FOXP1: variants seen among roughly 807,000 people sequenced by gnomAD.
FOXP1 encodes forkhead box protein P1.
A neutral mutation model predicts 98.2 loss-of-function variants in FOXP1; 15 were observed. That is an observed-to-expected ratio of 0.15 (90% CI 0.10 to 0.24). FOXP1 has a LOEUF of 0.24. Among genes scored for constraint, FOXP1 ranks in the 10% least tolerant of loss-of-function variants. FOXP1 has a pLI of 1.00. For missense variants in FOXP1, 633 were observed against 848.5 expected, an observed-to-expected ratio of 0.75 and a Z score of 3.15; for synonymous variants, 371 against 314.5, an observed-to-expected ratio of 1.18 and a Z score of -1.90.
intron 6 of FOXP1, among the ~76,000 whole-genome samples, chr3:71,121,192 C>T (rs188423938): frequency 6.6e-6 from 1 of 151,946 alleles, no homozygotes; most frequent in Admixed American, 6.5e-5. Flanking sequence ...GAGAGAGATG[C>T]CGAAGGCTCT....
intron 6 of FOXP1, among the ~76,000 whole-genome samples, chr3:71,121,469 G>C (rs1003893195): frequency 2.1e-5 from 3 of 143,302 alleles, no homozygotes; most frequent in African/African-American, 7.6e-5. Context: ...TTAAGTCTTT[G>C]GGAAGAGCTA....
At chr3:71,428,379 G>A (rs1207001739) in intron 3 of FOXP1, among the ~76,000 whole-genome samples, 2 of 152,244 alleles carry the variant, frequency 1.3e-5, no homozygotes, top group Admixed American at 6.5e-5. Flanking sequence ...GTTTCCTGCT[G>A]TAACCAAATT....
intron 3 of FOXP1, among the ~76,000 whole-genome samples, chr3:71,442,106 A>T (rs1425430550): frequency 2.6e-5 from 4 of 152,194 alleles, no homozygotes; most frequent in Non-Finnish European, 5.9e-5. Context: ...TAGGGAACTC[A>T]TATTCATGCC....
intron 3 of FOXP1, among the ~76,000 whole-genome samples, chr3:71,374,247 T>C (rs1381045919): frequency 1.3e-5 from 2 of 152,226 alleles, no homozygotes; most frequent in Non-Finnish European, 2.9e-5. Context: ...ACATCTACTA[T>C]TAAGATAAGA....
rs1389203548 is a variant in FOXP1 at position 71,065,890 on chromosome 3, T to G, written c.283-12117A>C. ...ACTTTGTTGGCTCAACTGACACGAC[T>G]TAAGCGTCAGGTTAATCTAGTCCAT... is the stretch of plus-strand genomic sequence containing the variant. On this transcript the variant is annotated intron_variant, in intron 7 of 20. Coordinates refer to ENST00000649528, the MANE Select transcript of FOXP1 (RefSeq NM_001349338.3). 3.9e-5 allele frequency: 6 copies of G among 152,226 alleles called. No individual in the cohort carries two copies. In the East Asian group the frequency reaches 1.2e-3, roughly 29 times the overall value. The allele number at this position is 152,226 out of a possible 1,614,324, so 9.4% of individuals were successfully genotyped here.
intron 6 of FOXP1, among the ~76,000 whole-genome samples, chr3:71,138,383 T>C (rs1318719064): frequency 6.6e-6 from 1 of 152,182 alleles, no homozygotes; most frequent in Admixed American, 6.5e-5. Context: ...ATGTAACCTT[T>C]GTATTCACGT....
chr3:71,168,321 G>C (rs973886879), intron 6 of FOXP1, among the ~76,000 whole-genome samples: 1 of 151,208 alleles, frequency 6.6e-6, no homozygotes, highest in Non-Finnish European at 1.5e-5. Flanking sequence ...ACAAAACAAA[G>C]TCAGCTATCA....
intron 2 of FOXP1, among the ~76,000 whole-genome samples, chr3:71,523,513 T>C (rs1340152055): frequency 6.6e-6 from 1 of 152,236 alleles, no homozygotes; most frequent in East Asian, 1.9e-4. Context: ...GATGCCAATA[T>C]ATTGTTTTGA....
intron 9 of FOXP1, 30 bp downstream of exon 9, chr3:71,052,507 G>A: frequency 1.1e-6 from 1 of 930,966 alleles, no homozygotes; most frequent in Non-Finnish European, 1.8e-6. Context: ...GGGATCTGTG[G>A]TTTGAAAGTA....
chr3:71,378,524 C>T (rs1202056889), intron 3 of FOXP1, among the ~76,000 whole-genome samples: 2 of 152,146 alleles, frequency 1.3e-5, no homozygotes, highest in Non-Finnish European at 2.9e-5. Flanking sequence ...GGTCTCCATG[C>T]TGTCTACACT....
At chr3:71,367,739 A>C (rs1037739211) in intron 3 of FOXP1, among the ~76,000 whole-genome samples, 1 of 152,236 alleles carries the variant, frequency 6.6e-6, no homozygotes, top group African/African-American at 2.4e-5. Context: ...AAGTGAGATT[A>C]GTGAACAGAA....
At chr3:71,094,969 A>C (rs1315525141) in intron 7 of FOXP1, among the ~76,000 whole-genome samples, 1 of 152,254 alleles carries the variant, frequency 6.6e-6, no homozygotes, top group Non-Finnish European at 1.5e-5. Context: ...CCCATTAATT[A>C]TGCCTTTGAT....
At chr3:71,156,858 C>T (rs1487799318) in intron 6 of FOXP1, among the ~76,000 whole-genome samples, 1 of 152,228 alleles carries the variant, frequency 6.6e-6, no homozygotes, top group East Asian at 1.9e-4. Flanking sequence ...GCCTCCTAGG[C>T]TGCTCAGGTC....
chr3:71,059,663 A>G (rs1237311121), intron 7 of FOXP1, among the ~76,000 whole-genome samples: 1 of 152,108 alleles, frequency 6.6e-6, no homozygotes, highest in African/African-American at 2.4e-5. Context: ...TGTAGCTGGG[A>G]TGGAAAACAA....
intron 6 of FOXP1, among the ~76,000 whole-genome samples, chr3:71,186,531 T>A (rs2062656308): frequency 6.6e-6 from 1 of 152,160 alleles, no homozygotes; most frequent in Admixed American, 6.5e-5. Context: ...GCCAACATGG[T>A]GAAACTCCGT....
At position 71,293,483 on chromosome 3, in the gene FOXP1, A is replaced by G. The variant is rs1405284628; in HGVS notation, c.-12+6337T>C. On this transcript the variant is annotated intron_variant, in intron 5 of 20. Transcript: ENST00000649528. Reference sequence around the variant, plus strand: ...ACACAGCCAGACCCCATTTCTTAAAAAAAAAAAAAAGATAGATAAAACCAT... The same window carrying G: ...ACACAGCCAGACCCCATTTCTTAAAGAAAAAAAAAAGATAGATAAAACCAT... Among the ~76,000 whole-genome samples, 12 of 152,084 alleles carry G rather than the reference A, an allele frequency of 7.9e-5. No individual in the cohort carries two copies. The East Asian group carries it at 2.3e-3, about 29-fold the overall frequency.
chr3:71,152,850 T>C (rs2060637347), intron 6 of FOXP1, among the ~76,000 whole-genome samples: 1 of 152,182 alleles, frequency 6.6e-6, no homozygotes, highest in Non-Finnish European at 1.5e-5. Flanking sequence ...TGGCCTCAGT[T>C]TACCTATTTC....
chr3:70,994,470 TC>T (rs1425275295), intron 13 of FOXP1, among the ~76,000 whole-genome samples: 3 of 152,172 alleles, frequency 2.0e-5, no homozygotes, highest in African/African-American at 2.4e-5. Flanking sequence ...CTTCCATGGC[TC>T]CCTTGGCCTG....
chr3:71,427,219 T>C (rs770764043), intron 3 of FOXP1, among the ~76,000 whole-genome samples: 12 of 152,150 alleles, frequency 7.9e-5, no homozygotes, highest in Admixed American at 2.0e-4. Flanking sequence ...ATATCTAATA[T>C]GTAGCCCAGG....
Sources: allele counts gnomAD v4.1 joint callset (sites outside exome capture counted in the v4.1 genomes callset), GRCh38; gene constraint gnomAD v4.1.1; transcripts MANE v1.5; gene names NCBI Gene and HGNC (gene_info 2026-07-23, HGNC 2026-07-21).